RABGAP1L: variants seen among roughly 807,000 people sequenced by gnomAD.
RABGAP1L encodes the protein rab GTPase-activating protein 1-like.
A neutral mutation model predicts 137.7 loss-of-function variants in RABGAP1L; 63 were observed. The ratio of observed to expected loss-of-function variants is 0.46; its 90% CI spans 0.37 to 0.56. The LOEUF (loss-of-function observed/expected upper bound fraction) is 0.56, where lower values mean the gene tolerates loss of function less well. Ranked by LOEUF, RABGAP1L falls within the 20% of genes least tolerant of loss-of-function variation. The pLI is 0.00. For missense variants in RABGAP1L, 1,095 were observed against 1,244.0 expected, an observed-to-expected ratio of 0.88 and a Z score of 1.80; for synonymous variants, 431 against 433.7, an observed-to-expected ratio of 0.99 and a Z score of 0.08.
At chr1:174,828,465 G>A (rs539012981) in intron 19 of RABGAP1L, among the ~76,000 whole-genome samples, 1 of 147,960 alleles carries the variant, frequency 6.8e-6, no homozygotes, top group South Asian at 2.2e-4. Flanking sequence ...CTGCTGCCTA[G>A]GTTGCTTTCT....
At chr1:174,702,628 T>C (rs1014707173) in intron 17 of RABGAP1L, among the ~76,000 whole-genome samples, 10 of 152,146 alleles carry the variant, frequency 6.6e-5, no homozygotes, top group Admixed American at 5.9e-4. Flanking sequence ...AGAGTGAATA[T>C]AAATGAGATT....
intron 13 of RABGAP1L, among the ~76,000 whole-genome samples, chr1:174,629,209 T>G (rs1471573521): frequency 6.6e-6 from 1 of 152,212 alleles, no homozygotes; most frequent in Non-Finnish European, 1.5e-5. Context: ...CATAAACTCT[T>G]TCTACTCTCA....
chr1:174,796,358 A>C (rs1451038049), intron 18 of RABGAP1L, among the ~76,000 whole-genome samples: 1 of 152,204 alleles, frequency 6.6e-6, no homozygotes, highest in Non-Finnish European at 1.5e-5. Context: ...CAACAATAAA[A>C]AAAGTATTTG....
intron 19 of RABGAP1L, among the ~76,000 whole-genome samples, chr1:174,926,409 C>A (rs1014105450): frequency 6.6e-6 from 1 of 152,154 alleles, no homozygotes; most frequent in Non-Finnish European, 1.5e-5. Context: ...TCTCCCCATC[C>A]GTTTTATTTA....
chr1:174,643,488 G>A (rs1165105334), intron 14 of RABGAP1L, among the ~76,000 whole-genome samples: 1 of 152,152 alleles, frequency 6.6e-6, no homozygotes, highest in Non-Finnish European at 1.5e-5. Flanking sequence ...CTTAGAGACA[G>A]CAGCATATTC....
Position 174,982,890 on chromosome 1 carries a change from G to T in RABGAP1L, c.2790G>T (p.Glu930Asp). The T allele has an allele frequency of 6.4e-7, 1 of 1,550,452 alleles. No individual in the cohort carries two copies. Among genetic ancestry groups the T allele is most frequent in the Admixed American group, 2.0e-5 (1 of 51,006 alleles). The change falls in exon 24 of 26, where the codon GAG (glutamate) becomes GAT (aspartate). Residue 930 changes from glutamate (E) to aspartate (D), a missense_variant. Glu to Asp is a conservative substitution (Grantham distance 45). This residue lies in a region of RABGAP1L where 312 missense variants were observed against 435.6 expected (regional missense o/e 0.72). Coordinates refer to ENST00000681986, the MANE Select transcript of RABGAP1L (RefSeq NM_001366446.1). Reference protein sequence around the residue: ...LEKQQAASKEELEVVKGKMMA... With the variant: ...LEKQQAASKEDLEVVKGKMMA... ...AACAGCAAGCAGCCAGCAAGGAGGA[G>T]CTGGAAGTGGTAAAGGTAAGGAGTG...
intron 18 of RABGAP1L, among the ~76,000 whole-genome samples, chr1:174,796,143 C>T (rs1688225848): frequency 6.6e-6 from 1 of 152,038 alleles, no homozygotes; most frequent in East Asian, 1.9e-4. Flanking sequence ...TCTCTTATTC[C>T]ATTTTATGGA....
At chr1:174,613,692 A>G (rs1671496005) in intron 13 of RABGAP1L, among the ~76,000 whole-genome samples, 2 of 152,172 alleles carry the variant, frequency 1.3e-5, no homozygotes, top group African/African-American at 4.8e-5. Context: ...GTGGGAGTCT[A>G]AGTCTCTTTG....
At chr1:174,488,342 AC>A (rs1415196491) in intron 13 of RABGAP1L, among the ~76,000 whole-genome samples, 1 of 151,160 alleles carries the variant, frequency 6.6e-6, no homozygotes, top group African/African-American at 2.4e-5. Flanking sequence ...TTAGCAGTTT[AC>A]ATATGTCATG....
At chr1:174,724,306 G>A (rs1681813225) in intron 17 of RABGAP1L, among the ~76,000 whole-genome samples, 1 of 152,140 alleles carries the variant, frequency 6.6e-6, no homozygotes, top group African/African-American at 2.4e-5. Flanking sequence ...TAAAGGTTAA[G>A]TTATTAAAGG....
chr1:174,815,447 C>A (rs2860725), intron 19 of RABGAP1L, among the ~76,000 whole-genome samples: 95,916 of 152,158 alleles, frequency 0.63, 33,467 homozygotes, highest in East Asian at 0.93. Flanking sequence ...AAGTTTTAAA[C>A]ATTTTTAAAT....
At chr1:174,474,395 A>C (rs1658266278) in intron 13 of RABGAP1L, among the ~76,000 whole-genome samples, 1 of 152,222 alleles carries the variant, frequency 6.6e-6, no homozygotes, top group Admixed American at 6.5e-5. Flanking sequence ...ATGTCATGAT[A>C]ACTGTAGCTT....
chr1:174,675,554 A>G (rs1677554405), intron 14 of RABGAP1L, among the ~76,000 whole-genome samples: 1 of 151,670 alleles, frequency 6.6e-6, no homozygotes, highest in Admixed American at 6.6e-5. Flanking sequence ...TTGGCTTAGG[A>G]TTGACTTGGC....
At chr1:174,286,830 A>G (rs1426741410) in intron 10 of RABGAP1L, among the ~76,000 whole-genome samples, 1 of 152,076 alleles carries the variant, frequency 6.6e-6, no homozygotes, top group Non-Finnish European at 1.5e-5. Context: ...TTTAGTTTCT[A>G]TATATCTGAA....
intron 19 of RABGAP1L, among the ~76,000 whole-genome samples, chr1:174,911,051 T>C (rs866193944): frequency 6.6e-6 from 1 of 152,250 alleles, no homozygotes; most frequent in Non-Finnish European, 1.5e-5. Flanking sequence ...TGACTAATTA[T>C]GTTGAGTATC....
intron 19 of RABGAP1L, among the ~76,000 whole-genome samples, chr1:174,837,167 A>G (rs1470803873): frequency 2.0e-5 from 3 of 151,776 alleles, no homozygotes; most frequent in African/African-American, 7.3e-5. Context: ...AGATCGTGCC[A>G]TTGCACTCCT....
chr1:174,284,546 TATGTC>T (rs1214910403), intron 10 of RABGAP1L, among the ~76,000 whole-genome samples: 9 of 152,278 alleles, frequency 5.9e-5, no homozygotes, highest in African/African-American at 1.9e-4. Flanking sequence ...GGAGTGCAGA[TATGTC>T]AAGATACTGA....
At chr1:174,912,672 A>G (rs767460553) in intron 19 of RABGAP1L, among the ~76,000 whole-genome samples, 2 of 152,192 alleles carry the variant, frequency 1.3e-5, no homozygotes, top group Non-Finnish European at 2.9e-5. Flanking sequence ...TCTCTTTTAG[A>G]TTGTCAGAAA....
intron 1 of RABGAP1L, among the ~76,000 whole-genome samples, chr1:174,160,223 G>A (rs890494411): frequency 6.6e-6 from 1 of 152,112 alleles, no homozygotes; most frequent in Non-Finnish European, 1.5e-5. Context: ...CTACCTGTAG[G>A]GAATGCCCCG....
Sources: gnomAD v4.1 joint callset for allele counts (sites outside exome capture counted in the v4.1 genomes callset) on GRCh38, gnomAD v4.1.1 for gene constraint, gnomAD v4.1.1 regional missense constraint, MANE v1.5 for transcripts, NCBI Gene and HGNC (gene_info 2026-07-23, HGNC 2026-07-21) for gene names.